Variants in SYT14 observed in about 807,000 individuals in gnomAD.
SYT14 encodes synaptotagmin 14.
In SYT14, 32 loss-of-function variants were observed where a neutral mutation model predicts 74.2. The observed-to-expected ratio is 0.43, with a 90% CI of 0.33 to 0.58. The LOEUF (loss-of-function observed/expected upper bound fraction) is 0.58, where lower values mean the gene tolerates loss of function less well. SYT14 is among the 20% of genes least tolerant of loss of function. SYT14 has a pLI of 0.05. For synonymous variants in SYT14, 298 were observed against 337.7 expected, an observed-to-expected ratio of 0.88 and a Z score of 1.29; for missense variants, 791 against 981.8, an observed-to-expected ratio of 0.81 and a Z score of 2.60.
intron 6 of SYT14, among the ~76,000 whole-genome samples, chr1:210,099,024 G>T (rs2082014252): frequency 6.6e-6 from 1 of 151,994 alleles, no homozygotes; most frequent in Non-Finnish European, 1.5e-5. Flanking sequence ...TTTCGTAAAT[G>T]GAAAAAGAGA....
chr1:209,998,747 A>G (rs1171734101), intron 2 of SYT14, among the ~76,000 whole-genome samples: 1 of 152,186 alleles, frequency 6.6e-6, no homozygotes, highest in African/African-American at 2.4e-5. Flanking sequence ...ATTCATATGC[A>G]GAAAAATGAA....
intron 7 of SYT14, among the ~76,000 whole-genome samples, chr1:210,107,777 G>C (rs1321820761): frequency 6.6e-6 from 1 of 151,936 alleles, no homozygotes; most frequent in African/African-American, 2.4e-5. Flanking sequence ...TTTTATAAAA[G>C]TATTTCTATT....
intron 2 of SYT14, among the ~76,000 whole-genome samples, chr1:209,962,263 CT>C (rs957115472): frequency 2.0e-5 from 3 of 150,650 alleles, no homozygotes; most frequent in African/African-American, 7.3e-5. Context: ...GCGTAGATAT[CT>C]TTTTTTTATA....
chr1:209,967,959 A>G (rs1407427958), intron 2 of SYT14, among the ~76,000 whole-genome samples: 2 of 151,982 alleles, frequency 1.3e-5, no homozygotes, highest in Admixed American at 6.5e-5. Context: ...TTCATAGAAA[A>G]CATTACCTGC....
chr1:209,954,262 G>A (rs1185797692), intron 2 of SYT14, among the ~76,000 whole-genome samples: 5 of 152,168 alleles, frequency 3.3e-5, no homozygotes, highest in African/African-American at 1.2e-4. Flanking sequence ...GAGAAAATTA[G>A]ATAAGGATAG....
intron 7 of SYT14, among the ~76,000 whole-genome samples, chr1:210,124,546 G>A (rs2082529369): frequency 1.3e-5 from 2 of 152,056 alleles, no homozygotes; most frequent in Admixed American, 6.6e-5. Flanking sequence ...AAGAAAATCC[G>A]GAAAGACCCC....
chr1:210,071,666 T>A (rs1244105804), intron 5 of SYT14, among the ~76,000 whole-genome samples: 2 of 152,006 alleles, frequency 1.3e-5, no homozygotes, highest in African/African-American at 2.4e-5. Flanking sequence ...TAAAAAGATC[T>A]CATATGTAGT....
intron 2 of SYT14, among the ~76,000 whole-genome samples, chr1:209,957,347 G>A (rs2079009581): frequency 6.6e-6 from 1 of 152,016 alleles, no homozygotes; most frequent in African/African-American, 2.4e-5. Flanking sequence ...TAAGTTTTCT[G>A]TTTTTACTGA....
chr1:209,948,277 AT>A (rs35186074), intron 1 of SYT14, among the ~76,000 whole-genome samples: 1 of 152,126 alleles, frequency 6.6e-6, no homozygotes, highest in Non-Finnish European at 1.5e-5. Context: ...CCTCTTGTGT[AT>A]TTTTTTAAAA....
intron 5 of SYT14, among the ~76,000 whole-genome samples, chr1:210,059,451 T>TATAGAGAGAGAGAGAGAG (rs377050610): frequency 4.1e-4 from 29 of 69,900 alleles, no homozygotes; most frequent in African/African-American, 1.5e-3. Flanking sequence ...TATATATATA[T>TATAGAGAGAGAGAGAGAG]AGAGAGAGAG....
chr1:210,110,330 G>A lies in SYT14; in HGVS notation c.2034+9869G>A, dbSNP rs147748356. 2.0e-5 allele frequency among the ~76,000 whole-genome samples: 3 copies of A among 152,272 alleles called. No homozygotes were observed. The East Asian group carries it at 5.8e-4, about 29-fold the overall frequency. ...TTTCCTCAAGGAACAAAGAAGAAAT[G>A]TTCAAGGAATGAAGATGAAATGTCC... is the stretch of plus-strand genomic sequence containing the variant. On this transcript the variant is annotated intron_variant, in intron 7 of 9. Transcript: ENST00000637265.
intron 5 of SYT14, among the ~76,000 whole-genome samples, chr1:210,082,106 T>C (rs2081627582): frequency 1.3e-5 from 2 of 152,244 alleles, no homozygotes; most frequent in Admixed American, 6.5e-5. Flanking sequence ...TGTTAGAATA[T>C]TTAAAAGTGT....
At chr1:209,940,826 A>G (rs1020538560) in intron 1 of SYT14, among the ~76,000 whole-genome samples, 2 of 152,218 alleles carry the variant, frequency 1.3e-5, no homozygotes, top group African/African-American at 2.4e-5. Flanking sequence ...AATTTGGAAT[A>G]TAGTAGTGGG....
chr1:210,166,959 TTAA>T (rs1440552967), exon 10 of SYT14: 7 of 152,286 alleles, frequency 4.6e-5, no homozygotes, highest in African/African-American at 1.4e-4. Context: ...AAATTAATAT[TTAA>T]TAATGAATTT....
chr1:210,043,772 G>C (rs1027931226), intron 5 of SYT14, among the ~76,000 whole-genome samples: 23 of 152,238 alleles, frequency 1.5e-4, no homozygotes, highest in Middle Eastern at 3.4e-3. Context: ...AGTTCACTGT[G>C]AGTCTGTTTA....
At chr1:210,138,045 A>G (rs977918539) in intron 7 of SYT14, among the ~76,000 whole-genome samples, 19 of 152,196 alleles carry the variant, frequency 1.2e-4, no homozygotes, top group Non-Finnish European at 2.4e-4. Context: ...GCTGTGTACT[A>G]AATTTTAATC....
chr1:210,033,415 C>G (rs1268683518), intron 5 of SYT14, among the ~76,000 whole-genome samples: 1 of 151,768 alleles, frequency 6.6e-6, no homozygotes, highest in Non-Finnish European at 1.5e-5. Flanking sequence ...AATCTTTCGT[C>G]TAAGCAGTCT....
At chr1:209,994,105 T>C (rs1197723969) in intron 2 of SYT14, among the ~76,000 whole-genome samples, 1 of 152,046 alleles carries the variant, frequency 6.6e-6, no homozygotes, top group Non-Finnish European at 1.5e-5. Flanking sequence ...TCCCCCTACC[T>C]CCAAATGAAT....
intron 5 of SYT14, among the ~76,000 whole-genome samples, chr1:210,049,259 A>G (rs1461018476): frequency 1.3e-5 from 2 of 152,044 alleles, no homozygotes; most frequent in African/African-American, 2.4e-5. Flanking sequence ...TCGACCCCAC[A>G]TTTTCCTTCT....
Sources: gnomAD v4.1 joint callset for allele counts (sites outside exome capture counted in the v4.1 genomes callset) on GRCh38, gnomAD v4.1.1 for gene constraint, MANE v1.5 for transcripts, NCBI Gene and HGNC (gene_info 2026-07-23, HGNC 2026-07-21) for gene names.